Variants in ARHGAP15 observed in about 807,000 individuals in gnomAD.
The protein encoded by ARHGAP15 is rho GTPase-activating protein 15.
ARHGAP15 carries 51 observed loss-of-function variants against 63.7 expected under a neutral mutation model. The observed-to-expected ratio is 0.80, with a 90% confidence interval of 0.64 to 1.01. The LOEUF (loss-of-function observed/expected upper bound fraction) is 1.01. ARHGAP15 is among the 50% of genes least tolerant of loss of function. The probability of loss-of-function intolerance (pLI) is 0.00; values close to 1 mark genes in which losing one functional copy is unlikely to be tolerated. For missense variants in ARHGAP15, 560 were observed against 564.6 expected (o/e 0.99, Z 0.08); for synonymous variants, 191 against 193.8 (o/e 0.99, Z 0.12).
intron 11 of ARHGAP15, among the ~76,000 whole-genome samples, chr2:143,583,445 T>C (rs1347221406): frequency 2.6e-5 from 4 of 152,138 alleles, no homozygotes; most frequent in African/African-American, 7.2e-5. Flanking sequence ...CCAGTAGTAG[T>C]TTTACAGATT....
chr2:143,264,209 A>G (rs9677486), intron 6 of ARHGAP15, among the ~76,000 whole-genome samples: 33,536 of 151,846 alleles, frequency 0.22, 3,968 homozygotes, highest in South Asian at 0.35. Flanking sequence ...CAGTGAATTC[A>G]AAAATACCCA....
At chr2:143,207,065 A>G (rs1405294553) in intron 3 of ARHGAP15, among the ~76,000 whole-genome samples, 1 of 151,636 alleles carries the variant, frequency 6.6e-6, no homozygotes, top group Non-Finnish European at 1.5e-5. Context: ...ATTAATTTTT[A>G]TATAATTTTT....
intron 8 of ARHGAP15, 103 bp downstream of exon 8, chr2:143,437,145 A>C: frequency 2.5e-4 from 333 of 1,316,078 alleles, no homozygotes; most frequent in Non-Finnish European, 3.0e-4. Flanking sequence ...CATCATACTC[A>C]TGGAAGATTC....
intron 9 of ARHGAP15, among the ~76,000 whole-genome samples, chr2:143,506,218 T>G (rs1693313605): frequency 6.6e-6 from 1 of 152,200 alleles, no homozygotes; most frequent in Admixed American, 6.5e-5. Flanking sequence ...CCAAAAAGAA[T>G]CTTTCAACTC....
intron 6 of ARHGAP15, among the ~76,000 whole-genome samples, chr2:143,345,424 A>T (rs1159867882): frequency 1.3e-5 from 2 of 152,120 alleles, no homozygotes; most frequent in African/African-American, 2.4e-5. Context: ...AATCATTTTT[A>T]TGTGCAACTT....
At chr2:143,197,173 G>A (rs1480673093) in intron 2 of ARHGAP15, among the ~76,000 whole-genome samples, 1 of 151,800 alleles carries the variant, frequency 6.6e-6, no homozygotes. Flanking sequence ...CTGCAATACT[G>A]GTAGTAGAGA....
intron 5 of ARHGAP15, among the ~76,000 whole-genome samples, chr2:143,249,456 T>C (rs138688166): frequency 6.6e-6 from 1 of 152,276 alleles, no homozygotes; most frequent in Non-Finnish European, 1.5e-5. Flanking sequence ...TTTCATGTTT[T>C]ATCCTAATGT....
intron 5 of ARHGAP15, among the ~76,000 whole-genome samples, chr2:143,242,916 G>A (rs1693916743): frequency 6.6e-6 from 1 of 152,136 alleles, no homozygotes; most frequent in Non-Finnish European, 1.5e-5. Context: ...AACAGATTTT[G>A]TGTTTCGAGT....
intron 6 of ARHGAP15, among the ~76,000 whole-genome samples, chr2:143,336,464 C>T (rs989940113): frequency 6.6e-6 from 1 of 152,144 alleles, no homozygotes; most frequent in Non-Finnish European, 1.5e-5. Context: ...GCAGTTCATC[C>T]TCACTATGAC....
intron 11 of ARHGAP15, among the ~76,000 whole-genome samples, chr2:143,592,052 G>A (rs1480571463): frequency 6.6e-6 from 1 of 152,072 alleles, no homozygotes; most frequent in Non-Finnish European, 1.5e-5. Context: ...TAAATTCAAT[G>A]TTTCCTGGAT....
chr2:143,636,899 C>T (rs1680344705), intron 12 of ARHGAP15, among the ~76,000 whole-genome samples: 1 of 152,070 alleles, frequency 6.6e-6, no homozygotes, highest in Non-Finnish European at 1.5e-5. Flanking sequence ...CCTGGAAGTC[C>T]AAGATGAGGG....
chr2:143,596,243 G>A (rs1439386220), intron 11 of ARHGAP15, among the ~76,000 whole-genome samples: 1 of 152,136 alleles, frequency 6.6e-6, no homozygotes, highest in African/African-American at 2.4e-5. Flanking sequence ...GAACCATCTA[G>A]TGCATCAGAA....
intron 5 of ARHGAP15, among the ~76,000 whole-genome samples, chr2:143,232,061 T>C (rs916670158): frequency 1.3e-5 from 2 of 152,230 alleles, no homozygotes. Context: ...GTCACATTTT[T>C]ATCAAAAGCA....
At chr2:143,766,666 T>C (rs12691692) in intron 13 of ARHGAP15, 83,297 of 152,034 alleles carry the variant, frequency 0.55, 25,017 homozygotes, top group African/African-American at 0.81. Flanking sequence ...TTTGCTGTTG[T>C]GCCTCAGACT....
Position 143,767,965 on chromosome 2 carries a change from A to T in ARHGAP15, c.1245-24A>T, listed in dbSNP as rs777793823. 102 of 1,582,866 alleles carry T rather than the reference A, an allele frequency of 6.4e-5. No homozygotes were observed. In the Middle Eastern group the frequency reaches 8.4e-4, roughly 13 times the overall value. Reference sequence around the variant, plus strand: ...CTTCACTTCAAACTCCAGTGAAATTATTTTTTTTTCTCTCTCTCCACAGGA... The same window carrying T: ...CTTCACTTCAAACTCCAGTGAAATTTTTTTTTTTTCTCTCTCTCCACAGGA... On this transcript the variant is annotated intron_variant, in intron 13 of 13. Transcript: ENST00000295095.
intron 8 of ARHGAP15, 76 bp downstream of exon 8, chr2:143,437,118 G>A: frequency 6.8e-7 from 1 of 1,473,190 alleles, no homozygotes; most frequent in South Asian, 1.3e-5. Context: ...GCATTGAAAT[G>A]AGATTTAAGC....
At chr2:143,685,060 G>A (rs1393970812) in intron 12 of ARHGAP15, among the ~76,000 whole-genome samples, 1 of 152,222 alleles carries the variant, frequency 6.6e-6, no homozygotes, top group Non-Finnish European at 1.5e-5. Context: ...CACTGTGTTT[G>A]TTTAATGGAC....
intron 12 of ARHGAP15, among the ~76,000 whole-genome samples, chr2:143,671,008 C>T (rs796105115): frequency 5.9e-5 from 9 of 152,118 alleles, no homozygotes; most frequent in African/African-American, 1.9e-4. Context: ...ACTACACCTC[C>T]TTTCTATAGT....
At position 143,154,266 on chromosome 2, in the gene ARHGAP15, A is replaced by G. The variant is rs535417400; in HGVS notation, c.-14-1211A>G. 7.9e-5 allele frequency among the ~76,000 whole-genome samples: 12 copies of G among 151,874 alleles called. No individual in the cohort carries two copies. In the South Asian group the frequency reaches 2.5e-3, roughly 32 times the overall value. On this transcript the variant is annotated intron_variant, in intron 1 of 13. Coordinates refer to ENST00000295095, the MANE Select transcript of ARHGAP15 (RefSeq NM_018460.4). ...ATACTAAGTATTAGCTTCTTTTCTA[A>G]TTTGTCATTTAATTGCCTTACTGGT... is the stretch of plus-strand genomic sequence containing the variant.
Sources: allele counts gnomAD v4.1 joint callset (sites outside exome capture counted in the v4.1 genomes callset), GRCh38; gene constraint gnomAD v4.1.1; transcripts MANE v1.5; gene names NCBI Gene and HGNC (gene_info 2026-07-23, HGNC 2026-07-21).